The following MACROD2 variants were observed in gnomAD, a reference collection of about 807,000 sequenced individuals.
MACROD2 encodes the protein ADP-ribose glycohydrolase MACROD2.
Under a neutral mutation model 70.4 loss-of-function variants are expected in MACROD2, and 36 were observed. That is an observed-to-expected ratio of 0.51 (90% CI 0.39 to 0.68). MACROD2 has a LOEUF of 0.68. Ranked by LOEUF, MACROD2 falls within the 30% of genes least tolerant of loss-of-function variation. The pLI, the probability that MACROD2 is intolerant of heterozygous loss-of-function variation, is 0.00. For missense variants in MACROD2, 496 were observed against 538.4 expected (o/e 0.92, Z 0.78); for synonymous variants, 172 against 178.8 (o/e 0.96, Z 0.30).
At chr20:14,639,733 T>C (rs1984988259) in intron 4 of MACROD2, among the ~76,000 whole-genome samples, 1 of 152,234 alleles carries the variant, frequency 6.6e-6, no homozygotes, top group South Asian at 2.1e-4. Flanking sequence ...TAGGATTTAC[T>C]GAGGTATCAC....
intron 6 of MACROD2, among the ~76,000 whole-genome samples, chr20:15,427,649 G>T (rs1285754747): frequency 6.6e-6 from 1 of 152,302 alleles, no homozygotes; most frequent in South Asian, 2.1e-4. Flanking sequence ...AAGCTGGAAG[G>T]ACCCTTCAGT....
chr20:14,101,462 G>C (rs1163867104), intron 3 of MACROD2, among the ~76,000 whole-genome samples: 1 of 152,014 alleles, frequency 6.6e-6, no homozygotes, highest in African/African-American at 2.4e-5. Flanking sequence ...AGCGTTGATA[G>C]ATTGGGGCTT....
At chr20:15,260,421 T>C (rs1434218900) in intron 6 of MACROD2, among the ~76,000 whole-genome samples, 1 of 151,834 alleles carries the variant, frequency 6.6e-6, no homozygotes. Context: ...TTTCACTTAA[T>C]AGAATGTCCT....
rs145437201 is a variant in MACROD2 at position 15,859,028 on chromosome 20, T to C, written c.646-3717T>C. ...AGAAGCCTTACAGATAACATAAAGATTGATTAACACATATTTTGTATGTTA... is the reference window on the plus strand; with the variant it reads ...AGAAGCCTTACAGATAACATAAAGACTGATTAACACATATTTTGTATGTTA... On this transcript the variant is annotated intron_variant, in intron 8 of 17. Transcript: ENST00000684519. Among the ~76,000 whole-genome samples, 273 of 150,702 alleles carry C rather than the reference T, an allele frequency of 1.8e-3. 1 individual carries two copies. Among genetic ancestry groups the C allele is most frequent in the Middle Eastern group, 6.8e-3 (2 of 294 alleles).
At chr20:15,278,248 G>C (rs1209528350) in intron 6 of MACROD2, among the ~76,000 whole-genome samples, 1 of 152,172 alleles carries the variant, frequency 6.6e-6, no homozygotes, top group Non-Finnish European at 1.5e-5. Flanking sequence ...CTTAGGGATA[G>C]GTTATGAGGA....
At chr20:14,566,494 A>T (rs1194481268) in intron 4 of MACROD2, 1 of 152,012 alleles carries the variant, frequency 6.6e-6, no homozygotes, top group East Asian at 1.9e-4. Context: ...TTAACTGATT[A>T]TGTGAGATTG....
intron 3 of MACROD2, among the ~76,000 whole-genome samples, chr20:14,394,127 A>G (rs2083556342): frequency 6.6e-6 from 1 of 152,182 alleles, no homozygotes; most frequent in Non-Finnish European, 1.5e-5. Context: ...TGTCCTATGA[A>G]TACCACAGTA....
At chr20:15,589,116 A>C (rs959358939) in intron 8 of MACROD2, among the ~76,000 whole-genome samples, 1 of 152,218 alleles carries the variant, frequency 6.6e-6, no homozygotes, top group Non-Finnish European at 1.5e-5. Context: ...CACTTCTTAC[A>C]TGGCGGCAGC....
At chr20:14,661,177 A>C (rs1250318135) in intron 4 of MACROD2, among the ~76,000 whole-genome samples, 1 of 151,816 alleles carries the variant, frequency 6.6e-6, no homozygotes, top group Non-Finnish European at 1.5e-5. Flanking sequence ...ACCAGTGTGT[A>C]AGTGTTCTGT....
chr20:15,974,126 A>T (rs2066271014), intron 13 of MACROD2, among the ~76,000 whole-genome samples: 1 of 152,170 alleles, frequency 6.6e-6, no homozygotes, highest in African/African-American at 2.4e-5. Context: ...ACCCAAGTAG[A>T]TCTGGGATTT....
intron 8 of MACROD2, among the ~76,000 whole-genome samples, chr20:15,621,015 G>A (rs1236921691): frequency 1.3e-5 from 2 of 152,126 alleles, no homozygotes; most frequent in Admixed American, 6.5e-5. Context: ...CTGGGGGCCT[G>A]GGGGAGAGAG....
chr20:15,972,281 G>T (rs1285584106), intron 13 of MACROD2, among the ~76,000 whole-genome samples: 5 of 152,172 alleles, frequency 3.3e-5, no homozygotes, highest in Non-Finnish European at 7.4e-5. Context: ...CTCTGAGGGT[G>T]AATGTGGGAG....
chr20:14,417,107 ATCTCTG>A (rs1568602644), intron 3 of MACROD2, among the ~76,000 whole-genome samples: 1 of 144,568 alleles, frequency 6.9e-6, no homozygotes, highest in Non-Finnish European at 1.5e-5. Flanking sequence ...CTATCTATCT[ATCTCTG>A]CAAGGTCTTA....
intron 7 of MACROD2, among the ~76,000 whole-genome samples, chr20:15,485,988 A>G (rs1302085488): frequency 6.6e-6 from 1 of 152,214 alleles, no homozygotes; most frequent in Non-Finnish European, 1.5e-5. Context: ...CCATATTACT[A>G]GGATGTGGTG....
At chr20:15,982,200 C>T (rs931872920) in intron 13 of MACROD2, among the ~76,000 whole-genome samples, 1 of 152,084 alleles carries the variant, frequency 6.6e-6, no homozygotes, top group African/African-American at 2.4e-5. Flanking sequence ...GGGGTCATAG[C>T]ACACATCGGG....
intron 4 of MACROD2, among the ~76,000 whole-genome samples, chr20:14,519,776 C>T (rs962838819): frequency 1.3e-5 from 2 of 152,084 alleles, no homozygotes; most frequent in Admixed American, 1.3e-4. Context: ...GTATGTTAAT[C>T]GCAGCACTAT....
chr20:14,111,165 T>G (rs976335163), intron 3 of MACROD2, among the ~76,000 whole-genome samples: 5 of 151,980 alleles, frequency 3.3e-5, no homozygotes. Context: ...AAACTGGATA[T>G]CCATATGCAG....
chr20:15,241,637 T>C (rs2077060395), intron 6 of MACROD2, among the ~76,000 whole-genome samples: 1 of 152,042 alleles, frequency 6.6e-6, no homozygotes, highest in Non-Finnish European at 1.5e-5. Flanking sequence ...ATCAGGACGC[T>C]GTCTTGCAGA....
chr20:14,472,417 T>G, intron 3 of MACROD2, among the ~76,000 whole-genome samples: 1 of 152,216 alleles, frequency 6.6e-6, no homozygotes. Flanking sequence ...CAGCATATGT[T>G]GAATGCTTTA....
Sources: allele counts gnomAD v4.1 joint callset (sites outside exome capture counted in the v4.1 genomes callset), GRCh38; gene constraint gnomAD v4.1.1; transcripts MANE v1.5; gene names NCBI Gene and HGNC (gene_info 2026-07-23, HGNC 2026-07-21).